The following GRID2 variants were observed in gnomAD, a reference collection of about 807,000 sequenced individuals.
The protein encoded by GRID2 is glutamate receptor ionotropic, delta-2.
In GRID2, 33 loss-of-function variants were observed where a neutral mutation model predicts 114.8. The ratio of observed to expected loss-of-function variants is 0.29; its 90% CI spans 0.22 to 0.38. GRID2 has a LOEUF of 0.38. Ranked by LOEUF, GRID2 falls within the 10% of genes least tolerant of loss-of-function variation. The pLI, the probability that GRID2 is intolerant of heterozygous loss-of-function variation, is 1.00. For missense variants in GRID2, 1,184 were observed against 1,257.7 expected, an observed-to-expected ratio of 0.94 and a Z score of 0.89; for synonymous variants, 505 against 449.9, an observed-to-expected ratio of 1.12 and a Z score of -1.55.
chr4:92,831,874 T>C (rs1742127280), intron 2 of GRID2, among the ~76,000 whole-genome samples: 1 of 151,820 alleles, frequency 6.6e-6, no homozygotes, highest in Non-Finnish European at 1.5e-5. Context: ...TATAAATAAA[T>C]AAATTATACA....
chr4:93,083,205 ACTATTTG>A (rs990006943), intron 2 of GRID2, among the ~76,000 whole-genome samples: 2 of 152,178 alleles, frequency 1.3e-5, no homozygotes, highest in Non-Finnish European at 2.9e-5. Context: ...CTTACTACTT[ACTATTTG>A]CTTATATAAA....
chr4:92,590,339 A>C, intron 2 of GRID2, 53 bp downstream of exon 2: 1 of 1,258,492 alleles, frequency 7.9e-7, no homozygotes, highest in Admixed American at 2.0e-5. Context: ...AGTGGCAATG[A>C]AATTATCTTT....
chr4:92,443,891 G>A (rs1016154527), intron 1 of GRID2, among the ~76,000 whole-genome samples: 13 of 152,312 alleles, frequency 8.5e-5, no homozygotes, highest in Admixed American at 6.5e-4. Flanking sequence ...GTCTGTGACC[G>A]GCACCAGAGT....
At chr4:92,755,150 G>A (rs1186231295) in intron 2 of GRID2, among the ~76,000 whole-genome samples, 1 of 152,122 alleles carries the variant, frequency 6.6e-6, no homozygotes, top group African/African-American at 2.4e-5. Context: ...TCAAATATGG[G>A]CATCAGACTG....
intron 13 of GRID2, among the ~76,000 whole-genome samples, chr4:93,544,198 C>T (rs1197519458): frequency 6.6e-6 from 1 of 152,046 alleles, no homozygotes; most frequent in Non-Finnish European, 1.5e-5. Flanking sequence ...TAAAATAAAA[C>T]TAATGACACT....
chr4:92,791,674 T>G (rs933151662), intron 2 of GRID2, among the ~76,000 whole-genome samples: 1 of 151,864 alleles, frequency 6.6e-6, no homozygotes, highest in African/African-American at 2.4e-5. Context: ...GTCTGTTGTT[T>G]CATGATTATA....
chr4:92,333,567 G>T (rs982759202), intron 1 of GRID2, among the ~76,000 whole-genome samples: 1 of 151,964 alleles, frequency 6.6e-6, no homozygotes, highest in African/African-American at 2.4e-5. Flanking sequence ...ACATGGCCAG[G>T]CTATGAATTT....
At chr4:92,523,898 C>T (rs1724904568) in intron 1 of GRID2, among the ~76,000 whole-genome samples, 1 of 151,938 alleles carries the variant, frequency 6.6e-6, no homozygotes, top group African/African-American at 2.4e-5. Context: ...ATTACATTAT[C>T]CTCTAAGAGT....
Position 92,528,275 on chromosome 4 carries a change from AAT to A in GRID2, c.89-61839_89-61838del, listed in dbSNP as rs147742394. Reference sequence around the variant, plus strand: ...ATTAACCATTCTTACTTGGGTTATGAATATATATATATATATATTTTGAGTAT... The same window carrying A: ...ATTAACCATTCTTACTTGGGTTATGAATATATATATATATATTTTGAGTAT... On this transcript the variant is annotated intron_variant, in intron 1 of 15. Coordinates refer to ENST00000282020, the MANE Select transcript of GRID2 (RefSeq NM_001510.4). Among the ~76,000 whole-genome samples, 451 of 145,222 alleles carry A rather than the reference AAT, an allele frequency of 3.1e-3. 3 individuals carry two copies. Among genetic ancestry groups the A allele is most frequent in the African/African-American group, 9.3e-3 (366 of 39,414 alleles).
intron 2 of GRID2, among the ~76,000 whole-genome samples, chr4:92,940,590 A>G (rs896421794): frequency 3.3e-5 from 5 of 152,158 alleles, no homozygotes; most frequent in African/African-American, 1.2e-4. Context: ...CCTGGCCAGA[A>G]CTTCCAACAC....
chr4:92,321,990 A>G (rs928281212), intron 1 of GRID2, among the ~76,000 whole-genome samples: 1 of 152,164 alleles, frequency 6.6e-6, no homozygotes, highest in South Asian at 2.1e-4. Context: ...CTTATGGACT[A>G]TTGCAAATAA....
intron 8 of GRID2, among the ~76,000 whole-genome samples, chr4:93,348,326 A>G (rs1057050079): frequency 1.3e-5 from 2 of 152,200 alleles, no homozygotes; most frequent in Non-Finnish European, 2.9e-5. Flanking sequence ...AGCATTTTGC[A>G]AAACACATAG....
Position 92,320,565 on chromosome 4 carries a change from C to G in GRID2, c.88+15821C>G, listed in dbSNP as rs188947494. On this transcript the variant is annotated intron_variant, in intron 1 of 15. Coordinates refer to ENST00000282020, the MANE Select transcript of GRID2 (RefSeq NM_001510.4). Reference sequence around the variant, plus strand: ...TCTCTGCTAACTGCAACCTCTGCCTCCCAGGTTCCAGTGATTCTCTTGCCT... The same window carrying G: ...TCTCTGCTAACTGCAACCTCTGCCTGCCAGGTTCCAGTGATTCTCTTGCCT... Among the ~76,000 whole-genome samples, 306 of 152,248 alleles carry G rather than the reference C, an allele frequency of 2.0e-3. 1 individual carries two copies. The highest frequency in any genetic ancestry group is 6.9e-3 in the African/African-American group (287 of 41,544).
chr4:93,620,409 G>A (rs899539960), intron 13 of GRID2, among the ~76,000 whole-genome samples: 2 of 152,084 alleles, frequency 1.3e-5, no homozygotes, highest in Admixed American at 6.6e-5. Flanking sequence ...TTGTCCTCCC[G>A]ATTCAAATCA....
intron 4 of GRID2, among the ~76,000 whole-genome samples, chr4:93,145,886 ACT>A (rs1553995969): frequency 7.0e-6 from 1 of 142,628 alleles, no homozygotes; most frequent in Non-Finnish European, 1.5e-5. Flanking sequence ...ACACACACAC[ACT>A]TTATAGTCTG....
chr4:92,684,069 A>C (rs1415683063), intron 2 of GRID2, among the ~76,000 whole-genome samples: 1 of 152,018 alleles, frequency 6.6e-6, no homozygotes, highest in African/African-American at 2.4e-5. Flanking sequence ...AATAAATATA[A>C]AAGGTTTAGA....
intron 4 of GRID2, among the ~76,000 whole-genome samples, chr4:93,149,572 T>C (rs916581942): frequency 1.1e-4 from 12 of 105,634 alleles, no homozygotes; most frequent in African/African-American, 4.4e-4. Context: ...CAAGACTCCA[T>C]CAAAAAAAAA....
chr4:92,505,880 C>T (rs1342436398), intron 1 of GRID2, among the ~76,000 whole-genome samples: 2 of 151,912 alleles, frequency 1.3e-5, no homozygotes, highest in African/African-American at 4.8e-5. Context: ...ATATATTCTA[C>T]CACCATTTCC....
intron 2 of GRID2, among the ~76,000 whole-genome samples, chr4:93,017,522 A>G (rs1047878436): frequency 3.3e-5 from 5 of 151,942 alleles, no homozygotes; most frequent in African/African-American, 1.2e-4. Context: ...CCTGAGTTCT[A>G]TATATATATG....
Sources: gnomAD v4.1 joint callset for allele counts (sites outside exome capture counted in the v4.1 genomes callset) on GRCh38, gnomAD v4.1.1 for gene constraint, MANE v1.5 for transcripts, NCBI Gene and HGNC (gene_info 2026-07-23, HGNC 2026-07-21) for gene names.